EXOC6B: variants seen among roughly 807,000 people sequenced by gnomAD.
EXOC6B encodes the protein exocyst complex component 6B.
A neutral mutation model predicts 113.5 loss-of-function variants in EXOC6B; 54 were observed. The observed-to-expected ratio is 0.48, with a 90% CI of 0.38 to 0.60. The LOEUF is 0.60. Among genes scored for constraint, EXOC6B ranks in the 20% least tolerant of loss-of-function variants. The probability of loss-of-function intolerance (pLI) is 0.00; values close to 1 mark genes in which losing one functional copy is unlikely to be tolerated. For missense variants in EXOC6B, 797 were observed against 977.5 expected (o/e 0.82, Z 2.46); for synonymous variants, 357 against 339.0 (o/e 1.05, Z -0.58).
chr2:72,413,430 G>A (rs952090706), intron 18 of EXOC6B, among the ~76,000 whole-genome samples: 2 of 149,536 alleles, frequency 1.3e-5, no homozygotes, highest in African/African-American at 4.9e-5. Context: ...GCTCATGCCT[G>A]TAATCCCAAC....
intron 21 of EXOC6B, among the ~76,000 whole-genome samples, chr2:72,181,195 C>T (rs1354178621): frequency 2.2e-5 from 3 of 137,378 alleles, no homozygotes; most frequent in Non-Finnish European, 4.5e-5. Context: ...GGTGGCAGAG[C>T]GAGACTCCGT....
intron 20 of EXOC6B, among the ~76,000 whole-genome samples, chr2:72,312,421 G>C (rs559621507): frequency 6.6e-6 from 1 of 151,988 alleles, no homozygotes; most frequent in South Asian, 2.1e-4. Flanking sequence ...AGGATCATTA[G>C]TAATAGGAAA....
chr2:72,684,644 T>A (rs1320131338), intron 6 of EXOC6B, among the ~76,000 whole-genome samples: 2 of 152,218 alleles, frequency 1.3e-5, no homozygotes, highest in Non-Finnish European at 2.9e-5. Flanking sequence ...TGAAATGAAC[T>A]ACTGAAACAT....
intron 1 of EXOC6B, among the ~76,000 whole-genome samples, chr2:72,742,089 C>G: frequency 6.6e-6 from 1 of 152,078 alleles, no homozygotes; most frequent in Admixed American, 6.6e-5. Flanking sequence ...AAAGAACTAC[C>G]TCCTCTTCCC....
At chr2:72,182,891 T>G (rs1678179952) in intron 21 of EXOC6B, 25 of 1,231,192 alleles carry the variant, frequency 2.0e-5, no homozygotes, top group Non-Finnish European at 2.5e-5. Context: ...ATAATATACT[T>G]ACTCTCTAGA....
chr2:72,657,541 A>G (rs940946107), intron 6 of EXOC6B, among the ~76,000 whole-genome samples: 2 of 123,742 alleles, frequency 1.6e-5, no homozygotes, highest in African/African-American at 6.4e-5. Context: ...TTGTCATTTA[A>G]TATTAGGTCT....
intron 18 of EXOC6B, among the ~76,000 whole-genome samples, chr2:72,427,061 A>C (rs1016745769): frequency 6.6e-6 from 1 of 152,142 alleles, no homozygotes; most frequent in African/African-American, 2.4e-5. Context: ...GCAGAGAGGG[A>C]GAAGGGGGTT....
chr2:72,661,284 G>A (rs1200245921), intron 6 of EXOC6B, among the ~76,000 whole-genome samples: 1 of 148,096 alleles, frequency 6.8e-6, no homozygotes, highest in Admixed American at 6.8e-5. Flanking sequence ...AAAATCAATG[G>A]CACATAAAGA....
At chr2:72,743,154 C>A (rs1278264026) in intron 1 of EXOC6B, among the ~76,000 whole-genome samples, 1 of 152,106 alleles carries the variant, frequency 6.6e-6, no homozygotes, top group Non-Finnish European at 1.5e-5. Context: ...CATGTCTTAA[C>A]ATTTACCATA....
At chr2:72,753,970 G>T (rs567770063) in intron 1 of EXOC6B, among the ~76,000 whole-genome samples, 135 of 152,058 alleles carry the variant, frequency 8.9e-4, no homozygotes, top group Non-Finnish European at 1.6e-3. Flanking sequence ...TTGAGACAGG[G>T]TCTCACTCTG....
chr2:72,352,715 A>G (rs1331038168), intron 19 of EXOC6B, among the ~76,000 whole-genome samples: 3 of 148,978 alleles, frequency 2.0e-5, no homozygotes, highest in African/African-American at 7.7e-5. Flanking sequence ...AAAAGATAAA[A>G]GTTAGGACTG....
chr2:72,665,145 C>G (rs1675298535), intron 6 of EXOC6B, among the ~76,000 whole-genome samples: 1 of 152,144 alleles, frequency 6.6e-6, no homozygotes, highest in Non-Finnish European at 1.5e-5. Context: ...ACAAAGGGAG[C>G]ACCATGGCCC....
At chr2:72,523,652 G>A (rs530957810) in intron 8 of EXOC6B, among the ~76,000 whole-genome samples, 66 of 151,998 alleles carry the variant, frequency 4.3e-4, no homozygotes, top group African/African-American at 1.5e-3. Flanking sequence ...GTGGTGGCAG[G>A]CGCCTGCAGT....
chr2:72,595,749 A>G (rs530185690), intron 6 of EXOC6B, among the ~76,000 whole-genome samples: 2 of 152,250 alleles, frequency 1.3e-5, no homozygotes, highest in African/African-American at 2.4e-5. Flanking sequence ...GAAATTAGAG[A>G]AATGATGATA....
intron 18 of EXOC6B, among the ~76,000 whole-genome samples, chr2:72,408,036 T>C (rs1440007187): frequency 6.7e-6 from 1 of 148,664 alleles, no homozygotes. Context: ...AGAAAATCAA[T>C]GTGCACAAAT....
At chr2:72,660,898 A>G (rs1446092335) in intron 6 of EXOC6B, among the ~76,000 whole-genome samples, 1 of 152,020 alleles carries the variant, frequency 6.6e-6, no homozygotes, top group African/African-American at 2.4e-5. Context: ...ATGAAACTCC[A>G]AGACCAGTTG....
intron 18 of EXOC6B, among the ~76,000 whole-genome samples, chr2:72,391,619 T>C (rs1692387657): frequency 6.6e-6 from 1 of 152,216 alleles, no homozygotes; most frequent in African/African-American, 2.4e-5. Flanking sequence ...AGTACAAAAT[T>C]CTTTAAGTAC....
intron 18 of EXOC6B, among the ~76,000 whole-genome samples, chr2:72,395,346 T>G (rs1692656889): frequency 6.6e-6 from 1 of 152,104 alleles, no homozygotes; most frequent in African/African-American, 2.4e-5. Flanking sequence ...AACTTATTAC[T>G]CAGTCCCTAA....
At chr2:72,405,575 A>T (rs1189544601) in intron 18 of EXOC6B, among the ~76,000 whole-genome samples, 1 of 152,216 alleles carries the variant, frequency 6.6e-6, no homozygotes. Flanking sequence ...AGAATTTTCA[A>T]CCAAGAATTT....
Sources: allele counts gnomAD v4.1 joint callset (sites outside exome capture counted in the v4.1 genomes callset), GRCh38; gene constraint gnomAD v4.1.1; transcripts MANE v1.5; gene names NCBI Gene and HGNC (gene_info 2026-07-23, HGNC 2026-07-21).